KALRN: variants seen among roughly 807,000 people sequenced by gnomAD.
KALRN encodes the protein kalirin RhoGEF kinase.
KALRN carries 70 observed loss-of-function variants against 353.7 expected under a neutral mutation model. The ratio of observed to expected loss-of-function variants is 0.20; its 90% CI spans 0.16 to 0.24. KALRN has a LOEUF of 0.24. Among genes scored for constraint, KALRN ranks in the 10% least tolerant of loss-of-function variants. KALRN has a pLI of 1.00. For synonymous variants in KALRN, 1,391 were observed against 1,434.8 expected (o/e 0.97, Z 0.69); for missense variants, 2,791 against 3,756.7 (o/e 0.74, Z 6.72).
intron 34 of KALRN, among the ~76,000 whole-genome samples, chr3:124,574,471 TC>T (rs2073879129): frequency 6.6e-6 from 1 of 151,654 alleles, no homozygotes; most frequent in Admixed American, 6.6e-5. Flanking sequence ...CCCCTTATCA[TC>T]CAGAGGGGAA....
At chr3:124,083,698 T>C (rs377218774) in intron 1 of KALRN, among the ~76,000 whole-genome samples, 1 of 152,142 alleles carries the variant, frequency 6.6e-6, no homozygotes, top group Non-Finnish European at 1.5e-5. Flanking sequence ...TTGAAGGGAG[T>C]TGGCTGCGGA....
chr3:124,619,293 C>T (rs1285188895), intron 34 of KALRN, among the ~76,000 whole-genome samples: 1 of 152,032 alleles, frequency 6.6e-6, no homozygotes, highest in Non-Finnish European at 1.5e-5. Flanking sequence ...TAAATACATA[C>T]ATCAGTTTCT....
chr3:124,663,051 T>C (rs2085091685), intron 45 of KALRN, among the ~76,000 whole-genome samples: 2 of 152,174 alleles, frequency 1.3e-5, no homozygotes, highest in African/African-American at 4.8e-5. Context: ...GTTCAAGCGA[T>C]TCTCCTGCCT....
chr3:124,345,024 C>T (rs573750720), intron 9 of KALRN, among the ~76,000 whole-genome samples: 1 of 152,108 alleles, frequency 6.6e-6, no homozygotes, highest in African/African-American at 2.4e-5. Context: ...AACCAATTTT[C>T]TTAAAGCTAG....
At chr3:124,216,141 C>T (rs536343126) in intron 1 of KALRN, among the ~76,000 whole-genome samples, 3 of 152,202 alleles carry the variant, frequency 2.0e-5, no homozygotes, top group African/African-American at 4.8e-5. Context: ...CTTATTCTTA[C>T]AGCACAGGAT....
chr3:124,715,879 A>G (rs2063112625), intron 58 of KALRN, among the ~76,000 whole-genome samples: 1 of 152,176 alleles, frequency 6.6e-6, no homozygotes, highest in Non-Finnish European at 1.5e-5. Flanking sequence ...GCACTTACCT[A>G]TGCTACCAAT....
chr3:124,553,482 G>A (rs558920462), intron 33 of KALRN, among the ~76,000 whole-genome samples: 10 of 152,350 alleles, frequency 6.6e-5, no homozygotes, highest in African/African-American at 2.4e-4. Context: ...CTGAAGCTCA[G>A]TTTTCCAGTG....
At chr3:124,371,086 T>C (rs1021052247) in intron 10 of KALRN, among the ~76,000 whole-genome samples, 16 of 152,358 alleles carry the variant, frequency 1.1e-4, no homozygotes, top group Admixed American at 3.3e-4. Context: ...TGTTTGTCCT[T>C]GCTTCAATTT....
At chr3:124,231,689 A>G (rs1487525590) in intron 2 of KALRN, among the ~76,000 whole-genome samples, 1 of 151,262 alleles carries the variant, frequency 6.6e-6, no homozygotes, top group African/African-American at 2.4e-5. Context: ...AGGCTCTGGG[A>G]AGTCCTGCAG....
At chr3:124,254,867 A>C (rs2071704493) in intron 3 of KALRN, among the ~76,000 whole-genome samples, 1 of 152,170 alleles carries the variant, frequency 6.6e-6, no homozygotes, top group South Asian at 2.1e-4. Flanking sequence ...CCCTGGCTGC[A>C]GTGGAGGAGC....
intron 16 of KALRN, 55 bp downstream of exon 16, chr3:124,430,830 C>T: frequency 1.3e-6 from 2 of 1,566,334 alleles, no homozygotes; most frequent in Admixed American, 1.8e-5. Context: ...CTCTGTACCT[C>T]AGGCAGGGTG....
chr3:124,497,063 G>T (rs1425315877), intron 33 of KALRN, among the ~76,000 whole-genome samples: 1 of 152,186 alleles, frequency 6.6e-6, no homozygotes, highest in East Asian at 1.9e-4. Flanking sequence ...TTTGGAGCAA[G>T]TAAGCAAAAG....
At chr3:124,678,427 A>T (rs2087444536) in intron 50 of KALRN, 114 bp downstream of exon 50, 2 of 1,140,982 alleles carry the variant, frequency 1.8e-6, no homozygotes, top group Admixed American at 4.7e-5. Context: ...CAGTATGGGT[A>T]CCAGAGGGGA....
intron 42 of KALRN, 131 bp downstream of exon 42, chr3:124,658,648 G>T (rs2084410059): frequency 1.4e-6 from 1 of 711,028 alleles, no homozygotes; most frequent in Non-Finnish European, 2.6e-6. Flanking sequence ...TTCATGGCAG[G>T]AATAGCTGCC....
At chr3:124,468,178 G>A (rs893933188) in intron 25 of KALRN, among the ~76,000 whole-genome samples, 4 of 152,110 alleles carry the variant, frequency 2.6e-5, no homozygotes, top group Non-Finnish European at 5.9e-5. Context: ...CCTGATATAC[G>A]CATGCATATA....
intron 7 of KALRN, among the ~76,000 whole-genome samples, chr3:124,326,641 A>G (rs147103900): frequency 6.6e-6 from 1 of 152,340 alleles, no homozygotes; most frequent in East Asian, 1.9e-4. Flanking sequence ...CGTACTTACT[A>G]AGTGGCCAGG....
intron 34 of KALRN, among the ~76,000 whole-genome samples, chr3:124,614,058 A>G (rs1447881830): frequency 6.6e-6 from 1 of 152,230 alleles, no homozygotes; most frequent in African/African-American, 2.4e-5. Flanking sequence ...CTGGCCTCAG[A>G]CTAGCTTTCA....
At chr3:124,664,334 AGTGT>A (rs750940277) in intron 45 of KALRN, among the ~76,000 whole-genome samples, 6,728 of 126,772 alleles carry the variant, frequency 0.053, 239 homozygotes, top group Non-Finnish European at 0.073. Flanking sequence ...TGTACATGTG[AGTGT>A]GTGTGTGTGT....
At chr3:124,707,005 C>T (rs1186169008) in intron 57 of KALRN, among the ~76,000 whole-genome samples, 1 of 152,042 alleles carries the variant, frequency 6.6e-6, no homozygotes, top group African/African-American at 2.4e-5. Context: ...AAAAGCAATA[C>T]CTGGGTATCA....
Sources: gnomAD v4.1 joint callset for allele counts (sites outside exome capture counted in the v4.1 genomes callset) on GRCh38, gnomAD v4.1.1 for gene constraint, MANE v1.5 for transcripts, NCBI Gene and HGNC (gene_info 2026-07-23, HGNC 2026-07-21) for gene names.